The following THSD7A variants were observed in gnomAD, a reference collection of about 807,000 sequenced individuals.
THSD7A encodes thrombospondin type 1 domain containing 7A.
THSD7A carries 96 observed loss-of-function variants against 231.3 expected under a neutral mutation model. The ratio of observed to expected loss-of-function variants is 0.41; its 90% CI spans 0.35 to 0.49. The LOEUF (loss-of-function observed/expected upper bound fraction) is 0.49, where lower values mean the gene tolerates loss of function less well. Ranked by LOEUF, THSD7A falls within the 20% of genes least tolerant of loss-of-function variation. The pLI, the probability that THSD7A is intolerant of heterozygous loss-of-function variation, is 0.05. For missense variants in THSD7A, 2,290 were observed against 2,070.2 expected, an observed-to-expected ratio of 1.11 and a Z score of -2.06; for synonymous variants, 940 against 743.3, an observed-to-expected ratio of 1.26 and a Z score of -4.30.
In THSD7A at chr7:11,636,352, T is replaced by C; in HGVS notation, c.800A>G (p.His267Arg). The change falls in exon 2 of 28, where the codon CAC (histidine) becomes CGC (arginine). Residue 267 changes from histidine to arginine, a missense_variant. Physicochemically the swap from His to Arg is conservative, Grantham distance 29. Coordinates refer to ENST00000423059, the MANE Select transcript of THSD7A (RefSeq NM_015204.3). The surrounding 1 kb of genome is among the most constrained non-coding windows in gnomAD (Gnocchi z 10.0). ...CCTTGCTTGTCTTACTTGTCGGGAG[T>C]GGGGCATTGAGCAGGTGCTCCAGGG... is the stretch of plus-strand genomic sequence containing the variant. ...VGPWSTCSMPHSRQVRQARRR... is the reference protein window; with the variant it reads ...VGPWSTCSMPRSRQVRQARRR... 6.2e-7 allele frequency: 1 copy of C among 1,613,770 alleles called. No individual in the cohort carries two copies. The highest frequency in any genetic ancestry group is 2.2e-5 in the East Asian group (1 of 44,856).
chr7:11,829,007 A>T (rs1478478262), intron 1 of THSD7A, among the ~76,000 whole-genome samples: 3 of 152,090 alleles, frequency 2.0e-5, no homozygotes, highest in African/African-American at 7.2e-5. Context: ...TGAATAGTAA[A>T]TATATTGTCT....
intron 1 of THSD7A, among the ~76,000 whole-genome samples, chr7:11,709,349 G>T (rs1423685520): frequency 6.6e-6 from 1 of 150,674 alleles, no homozygotes; most frequent in African/African-American, 2.4e-5. Context: ...ACTCAGATCA[G>T]CCTGAGATAA....
intron 4 of THSD7A, among the ~76,000 whole-genome samples, chr7:11,568,986 C>CA (rs34929385): frequency 0.25 from 36,146 of 142,936 alleles, 4,967 homozygotes; most frequent in Admixed American, 0.42. Flanking sequence ...ACAATAGCTA[C>CA]AAAAAAAAAA....
chr7:11,660,725 A>C (rs1280530929), intron 1 of THSD7A, among the ~76,000 whole-genome samples: 1 of 151,480 alleles, frequency 6.6e-6, no homozygotes, highest in Admixed American at 6.6e-5. Flanking sequence ...AAGTAGGTAA[A>C]TATAAAAATG....
intron 2 of THSD7A, among the ~76,000 whole-genome samples, chr7:11,607,268 A>G (rs1171698203): frequency 6.6e-6 from 1 of 152,094 alleles, no homozygotes; most frequent in South Asian, 2.1e-4. Context: ...AGGATTTCTC[A>G]GTGTTTCTGA....
intron 1 of THSD7A, among the ~76,000 whole-genome samples, chr7:11,791,321 A>G (rs904999893): frequency 3.9e-5 from 6 of 151,994 alleles, no homozygotes; most frequent in African/African-American, 1.4e-4. Flanking sequence ...GGCATTTGCT[A>G]TCTCCTATTA....
intron 1 of THSD7A, among the ~76,000 whole-genome samples, chr7:11,645,067 T>G (rs746616044): frequency 2.0e-5 from 3 of 151,958 alleles, no homozygotes; most frequent in Non-Finnish European, 2.9e-5. Context: ...CAAAGAAACA[T>G]GTAGAAATCT....
At chr7:11,400,174 G>T (rs58824217) in intron 23 of THSD7A, among the ~76,000 whole-genome samples, 3 of 120,954 alleles carry the variant, frequency 2.5e-5, no homozygotes, top group Admixed American at 9.6e-5. Flanking sequence ...GGTCGGGGGA[G>T]GGGGGAGGGA....
chr7:11,602,509 A>C (rs1317610514), intron 2 of THSD7A, among the ~76,000 whole-genome samples: 1 of 152,098 alleles, frequency 6.6e-6, no homozygotes, highest in Non-Finnish European at 1.5e-5. Flanking sequence ...GGTGAATTTC[A>C]AATTACGTAT....
chr7:11,738,784 A>G (rs1464117530), intron 1 of THSD7A, among the ~76,000 whole-genome samples: 1 of 151,990 alleles, frequency 6.6e-6, no homozygotes, highest in Non-Finnish European at 1.5e-5. Flanking sequence ...TGGCCTCTGG[A>G]TGCTAGAAAA....
At chr7:11,425,592 C>A (rs886144282) in intron 15 of THSD7A, among the ~76,000 whole-genome samples, 1 of 151,824 alleles carries the variant, frequency 6.6e-6, no homozygotes, top group Non-Finnish European at 1.5e-5. Context: ...CAATTATGTT[C>A]TTTTTTCAAT....
intron 1 of THSD7A, among the ~76,000 whole-genome samples, chr7:11,650,974 T>A (rs1782478476): frequency 6.6e-6 from 1 of 152,002 alleles, no homozygotes; most frequent in South Asian, 2.1e-4. Flanking sequence ...GGGCCTACAA[T>A]GTGCTAGGTG....
chr7:11,684,525 G>A (rs1423399487), intron 1 of THSD7A, among the ~76,000 whole-genome samples: 3 of 151,578 alleles, frequency 2.0e-5, no homozygotes, highest in African/African-American at 7.3e-5. Flanking sequence ...TTGATAAATG[G>A]CTGCAGTAAA....
intron 2 of THSD7A, among the ~76,000 whole-genome samples, chr7:11,612,302 C>T (rs1394275915): frequency 6.6e-6 from 1 of 152,314 alleles, no homozygotes; most frequent in Non-Finnish European, 1.5e-5. Flanking sequence ...CATCCCAGCT[C>T]TCACTCTCTA....
In THSD7A at chr7:11,397,258, A is replaced by G. The variant is rs553698721; in HGVS notation, c.4411+4537T>C. 3.3e-5 allele frequency among the ~76,000 whole-genome samples: 5 copies of G among 152,228 alleles called. No homozygotes were observed. The East Asian group carries it at 9.7e-4, about 29-fold the overall frequency. On this transcript the variant is annotated intron_variant, in intron 23 of 27. Transcript: ENST00000423059. ...CACAACCGAGGCCTCAGAAATAATA[A>G]CACACATCTACAACCATCTGATCTT...
intron 1 of THSD7A, among the ~76,000 whole-genome samples, chr7:11,796,347 A>G (rs1784126620): frequency 6.6e-6 from 1 of 151,784 alleles, no homozygotes; most frequent in Non-Finnish European, 1.5e-5. Flanking sequence ...CCACTTTGAA[A>G]AAAAAAGGAT....
chr7:11,559,225 T>C (rs997607376), intron 4 of THSD7A, among the ~76,000 whole-genome samples: 1 of 152,200 alleles, frequency 6.6e-6, no homozygotes, highest in Non-Finnish European at 1.5e-5. Context: ...AATGGAACCC[T>C]GTCAGCTCCT....
chr7:11,555,077 A>G (rs1025463755), intron 4 of THSD7A, among the ~76,000 whole-genome samples: 1 of 150,974 alleles, frequency 6.6e-6, no homozygotes, highest in African/African-American at 2.4e-5. Flanking sequence ...TCTATTTTTT[A>G]TTTTCAATTT....
At chr7:11,620,838 C>CT (rs1781282589) in intron 2 of THSD7A, among the ~76,000 whole-genome samples, 1 of 152,188 alleles carries the variant, frequency 6.6e-6, no homozygotes, top group Non-Finnish European at 1.5e-5. Context: ...ATCAGGCACT[C>CT]TCAGTAAATG....
Sources: allele counts gnomAD v4.1 joint callset (sites outside exome capture counted in the v4.1 genomes callset), GRCh38; gene constraint gnomAD v4.1.1; non-coding constraint Gnocchi (gnomAD v3.1); transcripts MANE v1.5; gene names NCBI Gene and HGNC (gene_info 2026-07-23, HGNC 2026-07-21).